ZNF618: variants seen among roughly 807,000 people sequenced by gnomAD.
ZNF618 encodes the protein neural precursor cell expressed, developmentally down-regulated 10.
In ZNF618, 34 loss-of-function variants were observed where a neutral mutation model predicts 103.0. That is an observed-to-expected ratio of 0.33 (90% CI 0.25 to 0.44). ZNF618 has a LOEUF of 0.44. Ranked by LOEUF, ZNF618 falls within the 20% of genes least tolerant of loss-of-function variation. The pLI is 1.00. For synonymous variants in ZNF618, 551 were observed against 542.2 expected (o/e 1.02, Z -0.23); for missense variants, 1,059 against 1,295.4 (o/e 0.82, Z 2.80).
intron 1 of ZNF618, among the ~76,000 whole-genome samples, chr9:113,960,337 C>T (rs1316180019): frequency 6.6e-6 from 1 of 152,226 alleles, no homozygotes; most frequent in Non-Finnish European, 1.5e-5. Flanking sequence ...CCTTCCAAGT[C>T]TGTCCATAAG....
At chr9:113,917,916 G>T (rs572494708) in intron 1 of ZNF618, among the ~76,000 whole-genome samples, 177 of 152,172 alleles carry the variant, frequency 1.2e-3, no homozygotes, top group African/African-American at 3.8e-3. Flanking sequence ...CAAGAAATTG[G>T]ATTAATATAA....
At chr9:113,887,379 T>C (rs1392573100) in intron 1 of ZNF618, among the ~76,000 whole-genome samples, 1 of 152,154 alleles carries the variant, frequency 6.6e-6, no homozygotes, top group Non-Finnish European at 1.5e-5. Flanking sequence ...AGAAAGCAAA[T>C]CCAACAAGAT....
Position 114,049,315 on chromosome 9 carries a change from G to T in ZNF618, c.2013G>T (p.Leu671=), listed in dbSNP as rs1845935029. The T allele has an allele frequency of 6.2e-7, 1 of 1,611,798 alleles. No individual in the cohort carries two copies. The stretch of plus-strand genomic sequence containing the variant: ...AGCTGCTCAACGTGTGCGAGGACCT[G>T]GCGGGCTCCACGGGCCTGGCCAAGG... ...VIELLNVCED[L]AGSTGLAKET... Residue 671 remains leucine (L), a synonymous_variant, in exon 15 of 15, where the codon CTG becomes CTT. Transcript: ENST00000374126.
chr9:113,969,063 C>A, intron 1 of ZNF618, 54 bp from the exon 2 acceptor site: 1 of 1,608,096 alleles, frequency 6.2e-7, no homozygotes, highest in Non-Finnish European at 8.5e-7. Flanking sequence ...GGCAGCAGGT[C>A]AAATCTGCAT....
intron 1 of ZNF618, among the ~76,000 whole-genome samples, chr9:113,883,991 C>CT (rs1828793265): frequency 2.1e-5 from 1 of 48,478 alleles, no homozygotes; most frequent in Non-Finnish European, 9.3e-5. Flanking sequence ...GGCCCCCCCC[C>CT]CCCCCCCCCC....
intron 6 of ZNF618, among the ~76,000 whole-genome samples, chr9:114,006,985 T>C (rs564050072): frequency 3.9e-5 from 6 of 152,158 alleles, no homozygotes; most frequent in Non-Finnish European, 7.4e-5. Flanking sequence ...AGTCCCAGTC[T>C]TTTGTAAGCT....
chr9:114,007,452 C>T lies in ZNF618; in HGVS notation c.640+13C>T, dbSNP rs1841851632. On this transcript the variant is annotated intron_variant, in intron 7 of 14. Coordinates refer to ENST00000374126, the MANE Select transcript of ZNF618 (RefSeq NM_001318042.2). ...CACGCAGTGGATGGTGAGTCAGGCCCCTCACTCCCTGGAGTCATGCCAAGA... is the reference window on the plus strand; with the variant it reads ...CACGCAGTGGATGGTGAGTCAGGCCTCTCACTCCCTGGAGTCATGCCAAGA... The T allele has an allele frequency of 3.1e-6, 5 of 1,612,270 alleles. No homozygotes were observed. The highest frequency in any genetic ancestry group is 4.2e-6 in the Non-Finnish European group (5 of 1,179,426).
intron 10 of ZNF618, chr9:114,028,461 C>T (rs1282180232): frequency 4.1e-6 from 2 of 484,598 alleles, no homozygotes; most frequent in Non-Finnish European, 7.3e-6. Context: ...AAGAGCCAGT[C>T]AGTCCAGAGA....
In ZNF618 at chr9:114,055,787, A is replaced by G. The variant is rs1398095990; in HGVS notation, c.*5620A>G. 6.6e-6 allele frequency: 1 copy of G among 152,448 alleles called. No homozygotes were observed. Among genetic ancestry groups the G allele is most frequent in the Non-Finnish European group, 1.5e-5 (1 of 68,008 alleles). The allele number at this position is 152,448 out of a possible 1,614,324, so 9.4% of individuals were successfully genotyped here. Reference sequence around the variant, plus strand: ...TCTTTTTTAGGCCAGAGTTTTCTACAGGTATTAATGAATATTTTTCTTAAT... The same window carrying G: ...TCTTTTTTAGGCCAGAGTTTTCTACGGGTATTAATGAATATTTTTCTTAAT... On this transcript the variant is annotated 3_prime_UTR_variant, in exon 15 of 15. Transcript: ENST00000374126.
At chr9:114,045,687 G>A (rs781086211) in intron 13 of ZNF618, among the ~76,000 whole-genome samples, 2 of 151,772 alleles carry the variant, frequency 1.3e-5, no homozygotes, top group African/African-American at 2.4e-5. Flanking sequence ...AATTGTTTTG[G>A]CTATTCTGTA....
At chr9:114,000,772 T>C (rs1841118300) in intron 4 of ZNF618, among the ~76,000 whole-genome samples, 2 of 152,178 alleles carry the variant, frequency 1.3e-5, no homozygotes, top group Non-Finnish European at 2.9e-5. Flanking sequence ...GGGAACACTC[T>C]TCATGCAAAC....
chr9:113,974,712 C>T (rs964565985), intron 2 of ZNF618, among the ~76,000 whole-genome samples: 1 of 152,242 alleles, frequency 6.6e-6, no homozygotes, highest in East Asian at 1.9e-4. Context: ...CAGCTGTACT[C>T]CTGTGGTCCC....
intron 12 of ZNF618, 89 bp downstream of exon 12, chr9:114,032,817 G>A (rs930584122): frequency 8.2e-7 from 1 of 1,213,286 alleles, no homozygotes; most frequent in Non-Finnish European, 1.2e-6. Context: ...CCTGTGGGCT[G>A]GGGTCTTTGT....
intron 2 of ZNF618, among the ~76,000 whole-genome samples, chr9:113,976,353 G>T (rs1838467240): frequency 6.6e-6 from 1 of 152,188 alleles, no homozygotes; most frequent in Non-Finnish European, 1.5e-5. Context: ...ATCTTGCCTT[G>T]TCCTGAAGCA....
Position 113,932,125 on chromosome 9 carries a change from C to T in ZNF618, c.34-36992C>T, listed in dbSNP as rs1158854016. Among the ~76,000 whole-genome samples the T allele has an allele frequency of 1.3e-4, 20 of 152,044 alleles. 1 individual carries two copies. The highest frequency in any genetic ancestry group is 1.9e-4 in the East Asian group (1 of 5,192). ...TTAAGTGCTGCGAAGAAAAAGGAAA[C>T]GGATTTGGGATAGACAGGGGCAGGT... On this transcript the variant is annotated intron_variant, in intron 1 of 14. Coordinates refer to ENST00000374126, the MANE Select transcript of ZNF618 (RefSeq NM_001318042.2).
chr9:114,053,136 C>T lies in ZNF618; in HGVS notation c.*2969C>T, dbSNP rs1239721927. On this transcript the variant is annotated 3_prime_UTR_variant, in exon 15 of 15. Coordinates refer to ENST00000374126, the MANE Select transcript of ZNF618 (RefSeq NM_001318042.2). Reference sequence around the variant, plus strand: ...GTGCCCTCTTCTCAGACAGGCTGTTCTCAGAGTGCAAATCCTGCTGCAACT... The same window carrying T: ...GTGCCCTCTTCTCAGACAGGCTGTTTTCAGAGTGCAAATCCTGCTGCAACT... The T allele has an allele frequency of 6.6e-6, 1 of 152,612 alleles. No individual in the cohort carries two copies. The highest frequency in any genetic ancestry group is 1.5e-5 in the Non-Finnish European group (1 of 68,062). The allele number at this position is 152,612 out of a possible 1,614,324, so 9.5% of individuals were successfully genotyped here.
intron 1 of ZNF618, 55 bp downstream of exon 1, chr9:113,876,468 C>T: frequency 2.6e-6 from 3 of 1,162,996 alleles, no homozygotes; most frequent in South Asian, 4.3e-5. Flanking sequence ...GGGGCCGGGG[C>T]CCGGGGCGCT....
At chr9:113,934,622 A>C (rs1833881497) in intron 1 of ZNF618, among the ~76,000 whole-genome samples, 1 of 152,180 alleles carries the variant, frequency 6.6e-6, no homozygotes, top group African/African-American at 2.4e-5. Context: ...GGATTGTTGG[A>C]GTGAGAATAT....
chr9:113,964,492 C>T (rs913299507), intron 1 of ZNF618, among the ~76,000 whole-genome samples: 2 of 151,968 alleles, frequency 1.3e-5, no homozygotes, highest in Non-Finnish European at 2.9e-5. Context: ...CACCGCTTCC[C>T]GGGCAATGAA....
Sources: gnomAD v4.1 joint callset for allele counts (sites outside exome capture counted in the v4.1 genomes callset) on GRCh38, gnomAD v4.1.1 for gene constraint, MANE v1.5 for transcripts, NCBI Gene and HGNC (gene_info 2026-07-23, HGNC 2026-07-21) for gene names.